Variants in PDLIM5 observed in about 807,000 individuals in gnomAD.
The protein encoded by PDLIM5 is PDZ and LIM domain 5.
A neutral mutation model predicts 64.2 loss-of-function variants in PDLIM5; 34 were observed. The ratio of observed to expected loss-of-function variants is 0.53; its 90% CI spans 0.40 to 0.71. The LOEUF is 0.71. Among genes scored for constraint, PDLIM5 ranks in the 30% least tolerant of loss-of-function variants. The probability of loss-of-function intolerance (pLI) is 0.00; values close to 1 mark genes in which losing one functional copy is unlikely to be tolerated. For missense variants in PDLIM5, 683 were observed against 733.6 expected (o/e 0.93, Z 0.80); for synonymous variants, 253 against 269.1 (o/e 0.94, Z 0.59).
intron 3 of PDLIM5, among the ~76,000 whole-genome samples, chr4:94,550,837 G>A (rs1239958946): frequency 6.6e-6 from 1 of 152,036 alleles, no homozygotes; most frequent in Non-Finnish European, 1.5e-5. Context: ...AGCATTACTA[G>A]AAAGAAGGTC....
chr4:94,504,513 G>C (rs138155456), intron 2 of PDLIM5, among the ~76,000 whole-genome samples: 1 of 152,074 alleles, frequency 6.6e-6, no homozygotes, highest in Non-Finnish European at 1.5e-5. Flanking sequence ...TCTCCGTCTC[G>C]TGACCTCGTG....
At chr4:94,613,741 T>G (rs1738546634) in intron 7 of PDLIM5, among the ~76,000 whole-genome samples, 1 of 152,106 alleles carries the variant, frequency 6.6e-6, no homozygotes, top group Non-Finnish European at 1.5e-5. Flanking sequence ...TAGAATTATT[T>G]AGAAAACATT....
At chr4:94,500,827 A>G (rs541768957) in intron 2 of PDLIM5, among the ~76,000 whole-genome samples, 1 of 151,920 alleles carries the variant, frequency 6.6e-6, no homozygotes, top group South Asian at 2.1e-4. Context: ...GCTGTCTCCC[A>G]AGCTGGAGTG....
intron 7 of PDLIM5, among the ~76,000 whole-genome samples, chr4:94,611,915 AT>A (rs1355982205): frequency 6.6e-6 from 1 of 151,974 alleles, no homozygotes; most frequent in Admixed American, 6.6e-5. Flanking sequence ...TCTTATAGAG[AT>A]TTTTCAATAT....
intron 8 of PDLIM5, among the ~76,000 whole-genome samples, chr4:94,637,522 G>A (rs915045476): frequency 6.6e-6 from 1 of 152,184 alleles, no homozygotes; most frequent in Admixed American, 6.5e-5. Context: ...TCGTGCCGTT[G>A]CACTCCAGCC....
At chr4:94,640,162 A>G in intron 8 of PDLIM5, 114 bp from the exon 9 acceptor site, 1 of 509,106 alleles carries the variant, frequency 2.0e-6, no homozygotes, top group Non-Finnish European at 3.4e-6. Flanking sequence ...AATGTGAGTG[A>G]GTGAATAACA....
intron 8 of PDLIM5, among the ~76,000 whole-genome samples, chr4:94,632,468 AG>A (rs1740232746): frequency 2.0e-5 from 3 of 152,348 alleles, no homozygotes; most frequent in Non-Finnish European, 4.4e-5. Context: ...TGGGCAACAG[AG>A]TAGAGACCTT....
intron 3 of PDLIM5, among the ~76,000 whole-genome samples, chr4:94,541,751 G>A (rs1281455436): frequency 6.6e-6 from 1 of 152,192 alleles, no homozygotes; most frequent in Non-Finnish European, 1.5e-5. Context: ...GGGGCTGATG[G>A]AGGACACAGC....
chr4:94,628,612 C>T (rs1739891077), intron 8 of PDLIM5, among the ~76,000 whole-genome samples: 1 of 151,668 alleles, frequency 6.6e-6, no homozygotes, highest in African/African-American at 2.4e-5. Context: ...CTTTCTCCTT[C>T]ATTTCTGAAA....
intron 7 of PDLIM5, among the ~76,000 whole-genome samples, chr4:94,603,448 G>A (rs776272486): frequency 3.3e-5 from 5 of 152,220 alleles, no homozygotes; most frequent in Admixed American, 6.5e-5. Flanking sequence ...GATGGATGGC[G>A]TAATGAGAAA....
chr4:94,481,397 C>T (rs1725836681), intron 2 of PDLIM5, among the ~76,000 whole-genome samples: 1 of 151,158 alleles, frequency 6.6e-6, no homozygotes, highest in Non-Finnish European at 1.5e-5. Context: ...TCAAGCGATG[C>T]CTCAGCCTCC....
At chr4:94,615,829 T>G (rs1738741719) in intron 7 of PDLIM5, among the ~76,000 whole-genome samples, 1 of 152,200 alleles carries the variant, frequency 6.6e-6, no homozygotes, top group Non-Finnish European at 1.5e-5. Flanking sequence ...CATCTCACTG[T>G]AGATTTCACT....
At chr4:94,511,683 C>G (rs957134347) in intron 2 of PDLIM5, among the ~76,000 whole-genome samples, 1 of 151,878 alleles carries the variant, frequency 6.6e-6, no homozygotes, top group Non-Finnish European at 1.5e-5. Context: ...TCAATGAATT[C>G]AATTATTTTG....
chr4:94,622,517 G>A (rs1458067878), intron 8 of PDLIM5, among the ~76,000 whole-genome samples: 1 of 152,174 alleles, frequency 6.6e-6, no homozygotes, highest in African/African-American at 2.4e-5. Context: ...TGGACCCGTT[G>A]TTCATTGAGC....
In PDLIM5 at chr4:94,521,430, A is replaced by G. The variant is rs77964628; in HGVS notation, c.97-2294A>G. Among the ~76,000 whole-genome samples the G allele has an allele frequency of 5.0e-3, 763 of 152,196 alleles. 10 individuals carry two copies. The highest frequency in any genetic ancestry group is 0.016 in the African/African-American group (651 of 41,512). ...GGAAGGATGGACAGATCACATTTACATTGTTACATTTAGTAATTTTCCTAG... is the reference window on the plus strand; with the variant it reads ...GGAAGGATGGACAGATCACATTTACGTTGTTACATTTAGTAATTTTCCTAG... On this transcript the variant is annotated intron_variant, in intron 2 of 12. Transcript: ENST00000317968.
chr4:94,601,193 G>A (rs1370856949), intron 7 of PDLIM5, among the ~76,000 whole-genome samples: 3 of 152,150 alleles, frequency 2.0e-5, no homozygotes, highest in African/African-American at 7.2e-5. Context: ...CAAGATCGAG[G>A]TACCTGTACA....
chr4:94,654,735 T>C (rs1742084100), intron 10 of PDLIM5, 95 bp downstream of exon 10: 1 of 778,246 alleles, frequency 1.3e-6, no homozygotes, highest in East Asian at 2.5e-5. Context: ...TTTATTTTCT[T>C]CTTGCTTTAT....
intron 7 of PDLIM5, among the ~76,000 whole-genome samples, chr4:94,615,111 T>C (rs112455410): frequency 2.0e-5 from 3 of 152,200 alleles, no homozygotes; most frequent in Non-Finnish European, 2.9e-5. Flanking sequence ...ATTTAATTCT[T>C]AACAGTAATC....
At chr4:94,530,510 A>AATATATATATATATATATATAT (rs36209951) in intron 3 of PDLIM5, among the ~76,000 whole-genome samples, 43 of 140,568 alleles carry the variant, frequency 3.1e-4, no homozygotes, top group African/African-American at 4.8e-4. Context: ...GGAATCACAG[A>AATATATATATATATATATATAT]ATATATATAT....
Sources: gnomAD v4.1 joint callset for allele counts (sites outside exome capture counted in the v4.1 genomes callset) on GRCh38, gnomAD v4.1.1 for gene constraint, MANE v1.5 for transcripts, NCBI Gene and HGNC (gene_info 2026-07-23, HGNC 2026-07-21) for gene names.